The following ZNF585A variants were observed in gnomAD, a reference collection of about 807,000 sequenced individuals.
ZNF585A encodes zinc finger protein 585A.
In ZNF585A, 9 loss-of-function variants were observed where a neutral mutation model predicts 14.9. That is an observed-to-expected ratio of 0.60 (90% CI 0.36 to 1.05). The LOEUF (loss-of-function observed/expected upper bound fraction) is 1.05. Among genes scored for constraint, ZNF585A ranks in the 50% least tolerant of loss-of-function variants. ZNF585A has a pLI of 0.01. For synonymous variants in ZNF585A, 276 were observed against 319.9 expected, an observed-to-expected ratio of 0.86 and a Z score of 1.46; for missense variants, 726 against 926.4, an observed-to-expected ratio of 0.78 and a Z score of 2.81.
At chr19:37,166,869 T>C (rs1599755422) in intron 2 of ZNF585A, among the ~76,000 whole-genome samples, 1 of 152,140 alleles carries the variant, frequency 6.6e-6, no homozygotes. Context: ...GGTCTCACTG[T>C]GTCACGCAGA....
intron 2 of ZNF585A, among the ~76,000 whole-genome samples, chr19:37,169,169 A>T (rs1972142307): frequency 6.6e-6 from 1 of 152,208 alleles, no homozygotes; most frequent in Non-Finnish European, 1.5e-5. Context: ...TTCCTAATAC[A>T]CTATCACAAT....
intron 2 of ZNF585A, among the ~76,000 whole-genome samples, chr19:37,161,322 C>G (rs888570806): frequency 2.6e-5 from 4 of 152,156 alleles, no homozygotes; most frequent in African/African-American, 9.7e-5. Flanking sequence ...ACTCTTTGTA[C>G]TATATTTTCT....
chr19:37,164,175 T>A (rs1972052541), intron 2 of ZNF585A, among the ~76,000 whole-genome samples: 1 of 152,132 alleles, frequency 6.6e-6, no homozygotes, highest in Non-Finnish European at 1.5e-5. Context: ...TCCCAGCACT[T>A]TGGGAGGCCG....
chr19:37,170,136 T>C, intron 1 of ZNF585A, 82 bp from the exon 2 acceptor site: 1 of 481,894 alleles, frequency 2.1e-6, no homozygotes, highest in Non-Finnish European at 3.7e-6. Context: ...TGCAGGTCCC[T>C]GAGCTAGAAA....
At chr19:37,169,778 C>G in intron 2 of ZNF585A, 61 bp downstream of exon 2, 1 of 1,593,724 alleles carries the variant, frequency 6.3e-7, no homozygotes, top group East Asian at 2.2e-5. Flanking sequence ...GTTCTAGTGA[C>G]AGACCAGAGA....
intron 2 of ZNF585A, chr19:37,165,394 A>G (rs1972073814): frequency 6.6e-6 from 1 of 151,872 alleles, no homozygotes; most frequent in South Asian, 2.1e-4. Flanking sequence ...CTTTTCATTT[A>G]GATTTTTTTA....
intron 2 of ZNF585A, among the ~76,000 whole-genome samples, chr19:37,158,091 C>T (rs1302524031): frequency 9.9e-5 from 15 of 151,978 alleles, no homozygotes; most frequent in Admixed American, 9.9e-4. Context: ...TTTCACCATG[C>T]TGGCCAGGAT....
At chr19:37,154,899 G>A (rs543763638) in intron 4 of ZNF585A, among the ~76,000 whole-genome samples, 51 of 151,914 alleles carry the variant, frequency 3.4e-4, no homozygotes, top group Non-Finnish European at 6.8e-4. Context: ...AAGCAGATCC[G>A]TGAATGCGTG....
At chr19:37,156,075 G>C in intron 3 of ZNF585A, 118 bp from the exon 4 acceptor site, 1 of 1,560,792 alleles carries the variant, frequency 6.4e-7, no homozygotes, top group Admixed American at 1.9e-5. Flanking sequence ...TAACTTTTCA[G>C]GGTAAAATTC....
At chr19:37,154,446 C>A (rs1040944625) in intron 4 of ZNF585A, among the ~76,000 whole-genome samples, 2 of 152,172 alleles carry the variant, frequency 1.3e-5, no homozygotes, top group South Asian at 2.1e-4. Flanking sequence ...AAGAGAGAAT[C>A]CTGACCCAGA....
chr19:37,168,273 C>T (rs543213318), intron 2 of ZNF585A, among the ~76,000 whole-genome samples: 2 of 152,202 alleles, frequency 1.3e-5, no homozygotes, highest in African/African-American at 4.8e-5. Context: ...TAAAAGCAGC[C>T]CCTGACCGCT....
At chr19:37,163,738 G>GAC (rs148092235) in intron 2 of ZNF585A, among the ~76,000 whole-genome samples, 4,001 of 149,068 alleles carry the variant, frequency 0.027, 85 homozygotes, top group East Asian at 0.08. Flanking sequence ...TCATAAAGAT[G>GAC]ACACACACAC....
At chr19:37,163,452 A>AAG (rs1972040688) in intron 2 of ZNF585A, among the ~76,000 whole-genome samples, 1 of 151,296 alleles carries the variant, frequency 6.6e-6, no homozygotes, top group African/African-American at 2.4e-5. Flanking sequence ...AAGTAAAAAA[A>AAG]AAAAAAGCAA....
intron 2 of ZNF585A, among the ~76,000 whole-genome samples, chr19:37,168,496 T>A (rs1972131952): frequency 6.6e-6 from 1 of 152,200 alleles, no homozygotes; most frequent in African/African-American, 2.4e-5. Context: ...AATCACAATC[T>A]TCTTCAAACC....
At position 37,147,152 on chromosome 19, in the gene ZNF585A, A is replaced by T. The variant is rs1257511919; in HGVS notation, c.*4437T>A. The T allele has an allele frequency of 6.6e-6, 1 of 152,252 alleles. No homozygotes were observed. The highest frequency in any genetic ancestry group is 1.5e-5 in the Non-Finnish European group (1 of 68,066). The allele number at this position is 152,252 out of a possible 1,614,324, so 9.4% of individuals were successfully genotyped here. ...GGAAGAGGGATGAGAAACCAAAAAAAGGAATATTGAATCAGGTCAGATAGT... is the reference window on the plus strand; with the variant it reads ...GGAAGAGGGATGAGAAACCAAAAAATGGAATATTGAATCAGGTCAGATAGT... On this transcript the variant is annotated 3_prime_UTR_variant, in exon 5 of 5. Coordinates refer to ENST00000292841, the MANE Select transcript of ZNF585A (RefSeq NM_001288800.2).
chr19:37,164,668 A>G (rs552731699), intron 2 of ZNF585A, among the ~76,000 whole-genome samples: 17 of 152,254 alleles, frequency 1.1e-4, no homozygotes, highest in African/African-American at 3.4e-4. Flanking sequence ...TGCAATCCTA[A>G]TCTTATTGAA....
intron 2 of ZNF585A, among the ~76,000 whole-genome samples, chr19:37,164,418 G>C (rs189937494): frequency 0.015 from 2,186 of 144,498 alleles, 51 homozygotes; most frequent in African/African-American, 0.054. Flanking sequence ...AAAAAAAAAA[G>C]AACTATAGGA....
intron 2 of ZNF585A, among the ~76,000 whole-genome samples, chr19:37,161,972 G>T (rs1017627978): frequency 1.3e-5 from 2 of 152,170 alleles, no homozygotes; most frequent in African/African-American, 4.8e-5. Context: ...TACCCAGGCT[G>T]CAGTGCAGTG....
rs753916591 is a variant in ZNF585A, at chr19:37,152,932, C to G, written c.967G>C (p.Val323Leu). 1.1e-5 allele frequency: 18 copies of G among 1,614,122 alleles called. No individual in the cohort carries two copies. The Admixed American group carries it at 2.3e-4, about 21-fold the overall frequency. ...TATTCGGTACATATATAGGGCTTCA[C>G]TCTTGTGTGAACACGTTGATGTACC... ...LQVHQRVHTR[V>L]KPYICTEYGK... is the part of the protein sequence containing the mutation. Residue 323 changes from valine to leucine, a missense_variant, in exon 5 of 5, where the codon GTG (valine) becomes CTG (leucine). Coordinates refer to ENST00000292841, the MANE Select transcript of ZNF585A (RefSeq NM_001288800.2).
Sources: gnomAD v4.1 joint callset for allele counts (sites outside exome capture counted in the v4.1 genomes callset) on GRCh38, gnomAD v4.1.1 for gene constraint, MANE v1.5 for transcripts, NCBI Gene and HGNC (gene_info 2026-07-23, HGNC 2026-07-21) for gene names.